The following CNBD2 variants were observed in gnomAD, a reference collection of about 807,000 sequenced individuals.
The protein encoded by CNBD2 is cyclic nucleotide binding domain containing 2.
A neutral mutation model predicts 63.7 loss-of-function variants in CNBD2; 64 were observed. The observed-to-expected ratio is 1.00, with a 90% CI of 0.82 to 1.24. The LOEUF is 1.24. Ranked by LOEUF, CNBD2 falls within the 50% of genes most tolerant of loss-of-function variation. The pLI, the probability that CNBD2 is intolerant of heterozygous loss-of-function variation, is 0.00. For missense variants in CNBD2, 691 were observed against 713.5 expected, an observed-to-expected ratio of 0.97 and a Z score of 0.36; for synonymous variants, 229 against 255.4, an observed-to-expected ratio of 0.90 and a Z score of 0.99.
chr20:35,980,758 T>G (rs529599145), intron 4 of CNBD2, 136 bp downstream of exon 4: 1 of 735,890 alleles, frequency 1.4e-6, no homozygotes, highest in South Asian at 1.8e-5. Context: ...GTCCATTCAC[T>G]TCAGCTCCCA....
upstream of CNBD2, among the ~76,000 whole-genome samples, chr20:35,967,161 G>T (rs527293145): frequency 2.6e-5 from 4 of 151,564 alleles, no homozygotes; most frequent in African/African-American, 9.7e-5. Flanking sequence ...CGGTAGATAA[G>T]GCACCAAAGT....
chr20:35,991,090 T>C (rs1227229952), intron 7 of CNBD2, among the ~76,000 whole-genome samples: 1 of 152,214 alleles, frequency 6.6e-6, no homozygotes, highest in Non-Finnish European at 1.5e-5. Context: ...TAGAACAGTA[T>C]ATCACAAGTC....
intron 8 of CNBD2, among the ~76,000 whole-genome samples, chr20:36,005,457 G>A (rs2056971221): frequency 6.6e-6 from 1 of 152,114 alleles, no homozygotes; most frequent in African/African-American, 2.4e-5. Context: ...TTCCTAACAG[G>A]CCACGGACCT....
chr20:36,017,516 T>A (rs183938747), intron 10 of CNBD2, among the ~76,000 whole-genome samples: 10 of 152,274 alleles, frequency 6.6e-5, no homozygotes, highest in Admixed American at 5.9e-4. Flanking sequence ...ATGCTGATTA[T>A]TTTTTAGCTC....
Position 36,023,637 on chromosome 20 carries a change from C to G in CNBD2, c.1305C>G (p.Cys435Trp). The change falls in exon 11 of 12, where the codon TGC (cysteine) becomes TGG (tryptophan). Residue 435 changes from cysteine to tryptophan, a missense_variant. Transcript: ENST00000373973. ...LHQAFLPEGE[C>W]DTRPLILMSL... ...AGGCCTTCCTTCCAGAGGGTGAATG[C>G]GACACACGACCCTTGATCCTGATGA... The G allele has an allele frequency of 1.2e-6, 2 of 1,609,612 alleles. No individual in the cohort carries two copies. The highest frequency in any genetic ancestry group is 1.7e-6 in the Non-Finnish European group (2 of 1,178,030).
At chr20:35,984,214 G>A in intron 5 of CNBD2, 76 bp downstream of exon 5, 3 of 1,463,976 alleles carry the variant, frequency 2.0e-6, no homozygotes, top group Admixed American at 4.3e-5. Context: ...GAACCTCTCA[G>A]CCAGGCCCAG....
At chr20:36,025,476 A>G (rs1434534649) in intron 11 of CNBD2, among the ~76,000 whole-genome samples, 3 of 152,174 alleles carry the variant, frequency 2.0e-5, no homozygotes, top group African/African-American at 7.2e-5. Context: ...CTGGAACTAT[A>G]AATGTACACT....
chr20:35,985,595 C>A (rs2056657211), intron 6 of CNBD2, among the ~76,000 whole-genome samples: 1 of 151,548 alleles, frequency 6.6e-6, no homozygotes, highest in Admixed American at 6.6e-5. Context: ...AAGCAATTCT[C>A]CTGCCTCAGC....
chr20:35,994,866 G>A (rs547903160), intron 7 of CNBD2, among the ~76,000 whole-genome samples, 172 bp from the exon 8 acceptor site: 7 of 152,206 alleles, frequency 4.6e-5, no homozygotes, highest in Non-Finnish European at 8.8e-5. Context: ...TCCAGCGTGG[G>A]TGACAAAGTG....
At chr20:35,954,462 C>T (rs2056226497), upstream of CNBD2, 2 of 1,548,252 alleles carry the variant, frequency 1.3e-6, no homozygotes, top group African/African-American at 1.4e-5. Flanking sequence ...ACCAGCGAAG[C>T]GCCTGCGGCA....
chr20:36,018,657 G>C (rs1257696022), intron 10 of CNBD2, among the ~76,000 whole-genome samples: 7 of 152,104 alleles, frequency 4.6e-5, no homozygotes, highest in Non-Finnish European at 1.0e-4. Flanking sequence ...AGCAGCAGAG[G>C]GTGGGGCCTA....
rs1160389744 is a variant in CNBD2, at chr20:35,984,106, C to A, written c.532C>A (p.Pro178Thr). 1.2e-6 allele frequency: 2 copies of A among 1,612,030 alleles called. No individual in the cohort carries two copies. The highest frequency in any genetic ancestry group is 2.2e-5 in the East Asian group (1 of 44,890). The change falls in exon 5 of 12, where the codon CCG (proline) becomes ACG (threonine). Residue 178 changes from proline to threonine, a missense_variant. Coordinates refer to ENST00000373973, the MANE Select transcript of CNBD2 (RefSeq NM_001365709.1). ...CAGCAGTGCCTTCCTAGATCCCCAC[C>A]CGAAATTGCTGCACAAGGGTAGCTG... Reference protein sequence around the residue: ...DGSSAFLDPHPKLLHKGSCFG... With the variant: ...DGSSAFLDPHTKLLHKGSCFG...
intron 10 of CNBD2, among the ~76,000 whole-genome samples, chr20:36,015,471 A>C (rs1040142666): frequency 6.6e-6 from 1 of 152,162 alleles, no homozygotes; most frequent in Non-Finnish European, 1.5e-5. Flanking sequence ...CCAGATCATG[A>C]TTTCTAATAC....
intron 8 of CNBD2, among the ~76,000 whole-genome samples, chr20:35,997,829 G>A (rs1330285506): frequency 1.3e-5 from 2 of 152,036 alleles, no homozygotes; most frequent in African/African-American, 2.4e-5. Flanking sequence ...ATTCTTGTTT[G>A]TCACTTTTCC....
chr20:36,014,737 T>A (rs114163589), intron 10 of CNBD2, among the ~76,000 whole-genome samples: 6,059 of 151,794 alleles, frequency 0.04, 263 homozygotes, highest in African/African-American at 0.11. Flanking sequence ...GCCCAACCAA[T>A]CCTCTCACCT....
chr20:36,024,648 G>T (rs555513579), intron 11 of CNBD2, among the ~76,000 whole-genome samples: 160 of 148,544 alleles, frequency 1.1e-3, no homozygotes, highest in African/African-American at 3.6e-3. Flanking sequence ...ATAATAATAG[G>T]CTGGACGTGG....
chr20:35,986,020 T>A (rs1375455346), intron 6 of CNBD2, among the ~76,000 whole-genome samples: 1 of 152,194 alleles, frequency 6.6e-6, no homozygotes, highest in Non-Finnish European at 1.5e-5. Context: ...GCACCGTAAC[T>A]GGGTATCATA....
upstream of CNBD2, among the ~76,000 whole-genome samples, chr20:35,965,806 C>T (rs2056341270): frequency 1.3e-5 from 2 of 152,180 alleles, no homozygotes; most frequent in Non-Finnish European, 1.5e-5. Flanking sequence ...CTTATTGATT[C>T]ATCTTGGGCC....
chr20:35,977,173 C>T (rs1312439083), intron 3 of CNBD2, among the ~76,000 whole-genome samples: 2 of 152,154 alleles, frequency 1.3e-5, no homozygotes, highest in Non-Finnish European at 2.9e-5. Flanking sequence ...TTCTGTGCAC[C>T]GCAGTAGAGG....
Sources: allele counts gnomAD v4.1 joint callset (sites outside exome capture counted in the v4.1 genomes callset), GRCh38; gene constraint gnomAD v4.1.1; transcripts MANE v1.5; gene names NCBI Gene and HGNC (gene_info 2026-07-23, HGNC 2026-07-21).